MSRA: variants seen among roughly 807,000 people sequenced by gnomAD.
The protein encoded by MSRA is mitochondrial peptide methionine sulfoxide reductase.
In MSRA, 54 loss-of-function variants were observed where a neutral mutation model predicts 31.3. The observed-to-expected ratio is 1.73, with a 90% CI of 1.39 to 2.17. The LOEUF (loss-of-function observed/expected upper bound fraction) is 2.17. Ranked by LOEUF, MSRA falls within the 30% of genes most tolerant of loss-of-function variation. The probability of loss-of-function intolerance (pLI) is 0.00; values close to 1 mark genes in which losing one functional copy is unlikely to be tolerated. For missense variants in MSRA, 507 were observed against 300.9 expected (o/e 1.69, Z -5.07); for synonymous variants, 169 against 116.5 (o/e 1.45, Z -2.90).
chr8:10,242,872 G>C (rs1797408550), intron 2 of MSRA, among the ~76,000 whole-genome samples: 1 of 152,056 alleles, frequency 6.6e-6, no homozygotes, highest in Non-Finnish European at 1.5e-5. Context: ...CAGAAATGTG[G>C]ACATTGACCA....
At chr8:10,291,750 G>T in intron 3 of MSRA, among the ~76,000 whole-genome samples, 1 of 152,032 alleles carries the variant, frequency 6.6e-6, no homozygotes, top group Non-Finnish European at 1.5e-5. Flanking sequence ...AAGTCTGGCT[G>T]GCAGGGAAAG....
In MSRA at chr8:10,088,881, CAGAG is replaced by C. The variant is rs772386541; in HGVS notation, c.142+34229_142+34232del. Among the ~76,000 whole-genome samples the C allele has an allele frequency of 1.5e-4, 23 of 152,206 alleles. No homozygotes were observed. In the South Asian group the frequency reaches 1.9e-3, roughly 12 times the overall value. On this transcript the variant is annotated intron_variant, in intron 1 of 5. Coordinates refer to ENST00000317173, the MANE Select transcript of MSRA (RefSeq NM_012331.5). Reference sequence around the variant, plus strand: ...TTATGCTAAGTGAAATGTGCAGACACAGAGAGAGAAATATTACATAATCTCACTT... The same window carrying C: ...TTATGCTAAGTGAAATGTGCAGACACAGAGAAATATTACATAATCTCACTT...
chr8:10,183,772 CTGGTGGTGGTGG>C (rs144951163), intron 1 of MSRA, among the ~76,000 whole-genome samples: 232 of 142,006 alleles, frequency 1.6e-3, no homozygotes, highest in South Asian at 7.7e-3. Flanking sequence ...ACAAGCTGAG[CTGGTGGTGGTGG>C]TGGTGGTGGT....
chr8:10,197,425 T>C (rs2129055835), intron 1 of MSRA, among the ~76,000 whole-genome samples: 1 of 152,294 alleles, frequency 6.6e-6, no homozygotes, highest in East Asian at 1.9e-4. Flanking sequence ...CTTGGAGAGC[T>C]GCAGGCAGTG....
intron 2 of MSRA, among the ~76,000 whole-genome samples, chr8:10,239,352 G>A (rs1232481188): frequency 6.6e-6 from 1 of 152,124 alleles, no homozygotes; most frequent in East Asian, 1.9e-4. Context: ...AGGAGAGACG[G>A]GGTTTCACCA....
chr8:10,236,930 T>C (rs1811993374), intron 2 of MSRA, among the ~76,000 whole-genome samples: 1 of 152,244 alleles, frequency 6.6e-6, no homozygotes, highest in Non-Finnish European at 1.5e-5. Flanking sequence ...AGTGGAGAGC[T>C]ATGTTATTGT....
chr8:10,275,397 A>G (rs1376463520), intron 3 of MSRA, among the ~76,000 whole-genome samples: 1 of 152,234 alleles, frequency 6.6e-6, no homozygotes, highest in Non-Finnish European at 1.5e-5. Context: ...AAGGGTTCAC[A>G]GTATGATTTT....
intron 1 of MSRA, among the ~76,000 whole-genome samples, chr8:10,170,050 T>A (rs906970935): frequency 1.4e-5 from 2 of 147,466 alleles, no homozygotes; most frequent in East Asian, 2.0e-4. Flanking sequence ...ATATTTTTTT[T>A]TTTTTTTTTT....
Position 10,207,841 on chromosome 8 carries a change from C to A in MSRA, c.151C>A (p.His51Asn), listed in dbSNP as rs756707975. 1 of 1,606,230 alleles carries A rather than the reference C, an allele frequency of 6.2e-7. No homozygotes were observed. The highest frequency in any genetic ancestry group is 8.5e-7 in the Non-Finnish European group (1 of 1,176,412). ...TTTTTTTTTTTTTCTAGCCAAACAT[C>A]ATGTCAATGGCAACAGAACAGTCGA... ...KEQTPVAAKH[H>N]VNGNRTVEPF... Residue 51 changes from histidine (H) to asparagine (N), a missense_variant, in exon 2 of 6, where the codon CAT becomes AAT. Physicochemically the swap from His to Asn is moderately conservative, Grantham distance 68 (BLOSUM62 1). Coordinates refer to ENST00000317173, the MANE Select transcript of MSRA (RefSeq NM_012331.5).
chr8:10,075,205 T>A (rs1188721416), intron 1 of MSRA, among the ~76,000 whole-genome samples: 1 of 152,168 alleles, frequency 6.6e-6, no homozygotes, highest in African/African-American at 2.4e-5. Flanking sequence ...TGTGGATCCC[T>A]CCCACACCTA....
chr8:10,074,270 G>A (rs1265267698), intron 1 of MSRA, among the ~76,000 whole-genome samples: 1 of 151,552 alleles, frequency 6.6e-6, no homozygotes, highest in Non-Finnish European at 1.5e-5. Context: ...TTTTAGTAGA[G>A]ATGGGGTTTC....
At chr8:10,240,625 C>G (rs1381920037) in intron 2 of MSRA, among the ~76,000 whole-genome samples, 3 of 152,334 alleles carry the variant, frequency 2.0e-5, no homozygotes, top group Non-Finnish European at 4.4e-5. Context: ...TTTCTGGCCT[C>G]TGACTAGGCA....
At chr8:10,075,548 A>C (rs1797958623) in intron 1 of MSRA, among the ~76,000 whole-genome samples, 1 of 152,216 alleles carries the variant, frequency 6.6e-6, no homozygotes, top group Admixed American at 6.5e-5. Flanking sequence ...AATATGTAAA[A>C]ATATTGGTGA....
chr8:10,178,013 C>T (rs1032729077), intron 1 of MSRA, among the ~76,000 whole-genome samples: 39 of 152,240 alleles, frequency 2.6e-4, no homozygotes, highest in African/African-American at 8.2e-4. Flanking sequence ...TCCTCCTTAC[C>T]GCTTCACCTG....
At chr8:10,120,170 GA>G (rs968680533) in intron 1 of MSRA, among the ~76,000 whole-genome samples, 7 of 152,152 alleles carry the variant, frequency 4.6e-5, no homozygotes, top group African/African-American at 1.7e-4. Flanking sequence ...CGTGCAACAG[GA>G]TAGAGAGTGG....
rs889259495 is a variant in MSRA, at chr8:10,181,479, C to T, written c.143-26354C>T. On this transcript the variant is annotated intron_variant, in intron 1 of 5. Coordinates refer to ENST00000317173, the MANE Select transcript of MSRA (RefSeq NM_012331.5). Reference sequence around the variant, plus strand: ...AAAACAATGGGAGAGGAAATGAGGCCGAAGACCCATCAGGGATAGATTCTA... The same window carrying T: ...AAAACAATGGGAGAGGAAATGAGGCTGAAGACCCATCAGGGATAGATTCTA... 8.6e-5 allele frequency among the ~76,000 whole-genome samples: 13 copies of T among 150,652 alleles called. No homozygotes were observed. The South Asian group carries it at 1.1e-3, about 12-fold the overall frequency.
chr8:10,115,621 C>A (rs1800619691), intron 1 of MSRA, among the ~76,000 whole-genome samples: 1 of 152,190 alleles, frequency 6.6e-6, no homozygotes, highest in Non-Finnish European at 1.5e-5. Context: ...TGGTCAGAAC[C>A]AGTGGCGCTT....
chr8:10,217,646 C>T (rs1308100496), intron 2 of MSRA, among the ~76,000 whole-genome samples: 1 of 152,076 alleles, frequency 6.6e-6, no homozygotes, highest in East Asian at 1.9e-4. Context: ...CATCCCCACT[C>T]CCTCCCCCTC....
chr8:10,312,920 G>C (rs1801511605), intron 4 of MSRA, among the ~76,000 whole-genome samples: 3 of 152,174 alleles, frequency 2.0e-5, no homozygotes, highest in African/African-American at 7.2e-5. Flanking sequence ...AAAGCCTATA[G>C]CAAGCATTGT....
Sources: gnomAD v4.1 joint callset for allele counts (sites outside exome capture counted in the v4.1 genomes callset) on GRCh38, gnomAD v4.1.1 for gene constraint, MANE v1.5 for transcripts, NCBI Gene and HGNC (gene_info 2026-07-23, HGNC 2026-07-21) for gene names.